The following NXN variants were observed in gnomAD, a reference collection of about 807,000 sequenced individuals.
NXN encodes the protein nucleoredoxin.
In NXN, 16 loss-of-function variants were observed where a neutral mutation model predicts 48.6. The observed-to-expected ratio is 0.33, with a 90% CI of 0.22 to 0.50. The LOEUF is 0.50. NXN is among the 20% of genes least tolerant of loss of function. NXN has a pLI of 0.98. For synonymous variants in NXN, 281 were observed against 269.6 expected, an observed-to-expected ratio of 1.04 and a Z score of -0.41; for missense variants, 492 against 605.5, an observed-to-expected ratio of 0.81 and a Z score of 1.97.
chr17:896,232 C>T (rs145320845), intron 1 of NXN, among the ~76,000 whole-genome samples: 3,998 of 150,944 alleles, frequency 0.026, 192 homozygotes, highest in East Asian at 0.25. Flanking sequence ...CCCAGCTACT[C>T]GGGAGGCTGA....
Position 942,006 on chromosome 17 carries a change from G to A in NXN, c.360+37313C>T, listed in dbSNP as rs1597260378. On this transcript the variant is annotated intron_variant, in intron 1 of 7. Coordinates refer to ENST00000336868, the MANE Select transcript of NXN (RefSeq NM_022463.5). Reference sequence around the variant, plus strand: ...TTTCCAGTGAACAAGATTCCAGGGTGCAGCCATGAACTCACATCACACCTT... The same window carrying A: ...TTTCCAGTGAACAAGATTCCAGGGTACAGCCATGAACTCACATCACACCTT... Among the ~76,000 whole-genome samples, 2 of 54,940 alleles carry A rather than the reference G, an allele frequency of 3.6e-5. 1 individual carries two copies. 36.0% of individuals were successfully genotyped at this position (54,940 alleles called of 152,430 possible). A position where few individuals can be genotyped will look rare whatever the true frequency, so the allele number is the denominator to read the frequency against.
chr17:816,439 G>A (rs1052935160), intron 5 of NXN, among the ~76,000 whole-genome samples: 3 of 151,982 alleles, frequency 2.0e-5, no homozygotes, highest in Admixed American at 6.6e-5. Flanking sequence ...CGTGTCGGCC[G>A]GGCCTCTGCA....
At chr17:813,044 CGT>C (rs764597626) in intron 5 of NXN, among the ~76,000 whole-genome samples, 40 of 151,728 alleles carry the variant, frequency 2.6e-4, no homozygotes, top group Non-Finnish European at 4.0e-4. Context: ...AATGTGTGAG[CGT>C]GTGTGTGCGT....
At chr17:848,074 CCT>C (rs2067884331) in intron 1 of NXN, among the ~76,000 whole-genome samples, 1 of 151,908 alleles carries the variant, frequency 6.6e-6, no homozygotes, top group Non-Finnish European at 1.5e-5. Context: ...CTCTGTGGTC[CCT>C]GACACCCTCA....
At chr17:868,106 T>C (rs573995284) in intron 1 of NXN, among the ~76,000 whole-genome samples, 27 of 152,310 alleles carry the variant, frequency 1.8e-4, no homozygotes, top group African/African-American at 6.5e-4. Flanking sequence ...AGCTGGACAC[T>C]GGCAAGAGTT....
intron 1 of NXN, among the ~76,000 whole-genome samples, chr17:937,222 G>C (rs1275255817): frequency 6.6e-6 from 1 of 152,044 alleles, no homozygotes; most frequent in Non-Finnish European, 1.5e-5. Context: ...GAGCTCGGGT[G>C]ATCCGCCCGC....
chr17:951,437 G>A (rs1003360402), intron 1 of NXN, among the ~76,000 whole-genome samples: 1 of 151,956 alleles, frequency 6.6e-6, no homozygotes, highest in Non-Finnish European at 1.5e-5. Flanking sequence ...GATCGCACGA[G>A]GGACCAGAGG....
chr17:893,052 C>A (rs994136992), intron 1 of NXN, among the ~76,000 whole-genome samples: 5 of 152,244 alleles, frequency 3.3e-5, no homozygotes, highest in African/African-American at 9.6e-5. Context: ...GAAACAAAGT[C>A]TATCAATTAA....
At chr17:928,084 G>A (rs2068819401) in intron 1 of NXN, among the ~76,000 whole-genome samples, 1 of 152,072 alleles carries the variant, frequency 6.6e-6, no homozygotes, top group Non-Finnish European at 1.5e-5. Context: ...CAGGGTTGTG[G>A]TAAGGGACTA....
chr17:820,030 G>A (rs1175313980), intron 4 of NXN, among the ~76,000 whole-genome samples: 2 of 152,172 alleles, frequency 1.3e-5, no homozygotes, highest in Non-Finnish European at 2.9e-5. Flanking sequence ...GGATCCCAGG[G>A]CTGGGTTTAT....
At chr17:871,067 T>A (rs2068147814) in intron 1 of NXN, among the ~76,000 whole-genome samples, 1 of 152,084 alleles carries the variant, frequency 6.6e-6, no homozygotes, top group Non-Finnish European at 1.5e-5. Context: ...TTCACTGTGT[T>A]GGCCAGGATG....
In NXN at chr17:820,805, T is replaced by C. The variant is rs1299980753; in HGVS notation, c.714-1260A>G. Among the ~76,000 whole-genome samples the C allele has an allele frequency of 2.8e-5, 2 of 70,462 alleles. 1 individual carries two copies. The highest frequency in any genetic ancestry group is 5.1e-5 in the Non-Finnish European group (2 of 39,424). The allele number at this position is 70,462 out of a possible 152,430, so 46.2% of individuals were successfully genotyped here. A position where few individuals can be genotyped will look rare whatever the true frequency, so the allele number is the denominator to read the frequency against. On this transcript the variant is annotated intron_variant, in intron 4 of 7. Transcript: ENST00000336868. ...CGGGTGTGGTGGCCGGCGCCTGTAGTCCCAGCTACTCAGGAGGCTGAGGTG... is the reference window on the plus strand; with the variant it reads ...CGGGTGTGGTGGCCGGCGCCTGTAGCCCCAGCTACTCAGGAGGCTGAGGTG...
chr17:899,112 C>A (rs2068514011), intron 1 of NXN, among the ~76,000 whole-genome samples: 3 of 152,076 alleles, frequency 2.0e-5, no homozygotes, highest in Admixed American at 2.0e-4. Flanking sequence ...CACCCACCAC[C>A]ATGCACAGCT....
chr17:966,806 G>A (rs2069310509), intron 1 of NXN, among the ~76,000 whole-genome samples: 1 of 128,136 alleles, frequency 7.8e-6, no homozygotes, highest in Admixed American at 9.0e-5. Context: ...GATGACTGTT[G>A]GGGGGGTGGG....
At chr17:971,920 A>C (rs1017424513) in intron 1 of NXN, among the ~76,000 whole-genome samples, 23 of 152,036 alleles carry the variant, frequency 1.5e-4, no homozygotes, top group African/African-American at 5.3e-4. Context: ...TGATCCCAGC[A>C]CTTTGGAAGC....
chr17:893,820 AC>A, intron 1 of NXN, among the ~76,000 whole-genome samples: 1 of 47,946 alleles, frequency 2.1e-5, no homozygotes, highest in Non-Finnish European at 3.7e-5. Context: ...AAGCATCTCA[AC>A]TCCCTGGAAG....
chr17:925,699 G>A (rs2068791667), intron 1 of NXN, among the ~76,000 whole-genome samples: 1 of 152,050 alleles, frequency 6.6e-6, no homozygotes, highest in Non-Finnish European at 1.5e-5. Flanking sequence ...CCTGATCTGT[G>A]GTGGTTGTTG....
chr17:909,510 A>G (rs2955621), intron 1 of NXN: 124,317 of 149,836 alleles, frequency 0.83, 51,852 homozygotes, highest in Middle Eastern at 0.91. Flanking sequence ...CTGCTGATAA[A>G]CTTGTGTTCC....
At chr17:858,288 G>T (rs1164230066) in intron 1 of NXN, among the ~76,000 whole-genome samples, 1 of 151,814 alleles carries the variant, frequency 6.6e-6, no homozygotes, top group Non-Finnish European at 1.5e-5. Context: ...CAAAGTGCTG[G>T]GATTACAGGC....
Sources: gnomAD v4.1 joint callset for allele counts (sites outside exome capture counted in the v4.1 genomes callset) on GRCh38, gnomAD v4.1.1 for gene constraint, MANE v1.5 for transcripts, NCBI Gene and HGNC (gene_info 2026-07-23, HGNC 2026-07-21) for gene names.